PDGFRB: variants seen among roughly 807,000 people sequenced by gnomAD.
PDGFRB encodes the protein platelet-derived growth factor receptor beta.
In PDGFRB, 42 loss-of-function variants were observed where a neutral mutation model predicts 120.2. The ratio of observed to expected loss-of-function variants is 0.35; its 90% confidence interval spans 0.27 to 0.45. The LOEUF (loss-of-function observed/expected upper bound fraction) is 0.45. Ranked by LOEUF, PDGFRB falls within the 20% of genes least tolerant of loss-of-function variation. The probability of loss-of-function intolerance (pLI) is 1.00; values close to 1 mark genes in which losing one functional copy is unlikely to be tolerated. For missense variants in PDGFRB, 1,149 were observed against 1,476.3 expected (o/e 0.78, Z 3.63); for synonymous variants, 586 against 606.8 (o/e 0.97, Z 0.50).
rs1760128520 is a variant in PDGFRB at position 150,121,356 on chromosome 5, A to G, written c.2345-34T>C. On this transcript the variant is annotated intron_variant, in intron 16 of 22. Transcript: ENST00000261799. This position sits in a 1 kb window ranked among gnomAD's most constrained non-coding sequence, Gnocchi z 4.1. ...GAAGCAGAGGGTCACCTGCTATCTT[A>G]TATCTCCTTCTGGCCCACAGGACCC... 3 of 965,404 alleles carry G rather than the reference A, an allele frequency of 3.1e-6. No homozygotes were observed. Among genetic ancestry groups the G allele is most frequent in the Non-Finnish European group, 5.1e-6 (3 of 586,922 alleles). The allele number at this position is 965,404 out of a possible 1,614,324, so 59.8% of individuals were successfully genotyped here. A position where few individuals can be genotyped will look rare whatever the true frequency, so the allele number is the denominator to read the frequency against.
chr5:150,132,131 G>T lies in PDGFRB; in HGVS notation c.1128-37C>A. 9.1e-7 allele frequency: 1 copy of T among 1,101,420 alleles called. No homozygotes were observed. Among genetic ancestry groups the T allele is most frequent in the Non-Finnish European group, 1.4e-6 (1 of 715,646 alleles). 68.2% of individuals were successfully genotyped at this position (1,101,420 alleles called of 1,614,324 possible). ...GAAAGGCAGCTGTCAGAGTCGGAAG[G>T]ACTCTTACAGTTCTCCCCACCCTCC... On this transcript the variant is annotated intron_variant, in intron 7 of 22. Transcript: ENST00000261799. The surrounding 1 kb of genome is among the most constrained non-coding windows in gnomAD (Gnocchi z 5.0).
intron 12 of PDGFRB, among the ~76,000 whole-genome samples, chr5:150,125,119 C>T (rs1305825409): frequency 6.6e-6 from 1 of 152,050 alleles, no homozygotes; most frequent in African/African-American, 2.4e-5. Context: ...AAGTTTCTTC[C>T]CTCCCAAGGG....
chr5:150,114,576 T>A lies in PDGFRB; in HGVS notation c.*1187A>T. 1 of 233,338 alleles carries A rather than the reference T, an allele frequency of 4.3e-6. No individual in the cohort carries two copies. The highest frequency in any genetic ancestry group is 1.8e-4 in the South Asian group (1 of 5,504). The allele number at this position is 233,338 out of a possible 1,614,324, so 14.5% of individuals were successfully genotyped here. A position where few individuals can be genotyped will look rare whatever the true frequency, so the allele number is the denominator to read the frequency against. ...CCAGGACACCGGCTGTCACTCTAAG[T>A]CAAGGCCTGTGCAGCTGTGTTCTTG... On this transcript the variant is annotated 3_prime_UTR_variant, in exon 23 of 23. Coordinates refer to ENST00000261799, the MANE Select transcript of PDGFRB (RefSeq NM_002609.4).
intron 12 of PDGFRB, 21 bp from the exon 13 acceptor site, chr5:150,124,852 T>G (rs758993579): frequency 9.8e-6 from 13 of 1,331,486 alleles, no homozygotes; most frequent in African/African-American, 1.4e-5. Context: ...GATGATCCAT[T>G]AGCTCCTGGC....
chr5:150,124,844 T>C lies in PDGFRB; in HGVS notation c.1808-13A>G. On this transcript the variant is annotated splice_polypyrimidine_tract_variant and intron_variant, in intron 12 of 22. Coordinates refer to ENST00000261799, the MANE Select transcript of PDGFRB (RefSeq NM_002609.4). ...CCGAGGGTGCGTCCTGGTGCAGAGA[T>C]GATCCATTAGCTCCTGGCCTACCAG... 6.9e-7 allele frequency: 1 copy of C among 1,459,302 alleles called. No individual in the cohort carries two copies. The highest frequency in any genetic ancestry group is 2.3e-5 in the East Asian group (1 of 44,046). The allele number at this position is 1,459,302 out of a possible 1,614,324, so 90.4% of individuals were successfully genotyped here. A position where few individuals can be genotyped will look rare whatever the true frequency, so the allele number is the denominator to read the frequency against.
chr5:150,133,529 G>C, intron 6 of PDGFRB, 57 bp downstream of exon 6: 1 of 1,426,902 alleles, frequency 7.0e-7, no homozygotes, highest in Non-Finnish European at 9.9e-7. Flanking sequence ...CAGCAAAGTG[G>C]GTGAGGGTGG....
At position 150,147,726 on chromosome 5, in the gene PDGFRB, C is replaced by T. The variant is rs191650700; in HGVS notation, c.-7+7671G>A. ...CACTGTCTCAGCATCTGTCCTCCCA[C>T]CCCTGTCTTCGGTCATTCACTTAAC... On this transcript the variant is annotated intron_variant, in intron 1 of 22. Transcript: ENST00000261799. Among the ~76,000 whole-genome samples the T allele has an allele frequency of 3.2e-3, 495 of 152,344 alleles. 3 individuals carry two copies. Among genetic ancestry groups the T allele is most frequent in the South Asian group, 7.3e-3 (35 of 4,822 alleles).
chr5:150,146,221 G>A (rs1760917435), intron 1 of PDGFRB, among the ~76,000 whole-genome samples: 1 of 152,152 alleles, frequency 6.6e-6, no homozygotes, highest in Non-Finnish European at 1.5e-5. Flanking sequence ...TGTATTCTCT[G>A]CTTATTGGTC....
rs1364595043 is a variant in PDGFRB, at chr5:150,134,792, T to C, written c.589A>G (p.Arg197Gly). Reference protein sequence around the residue: ...SYICKTTIGDREVDSDAYYVY... With the variant: ...SYICKTTIGDGEVDSDAYYVY... ...TAGTAGGCATCAGAATCCACCTCCC[T>C]GTCCCCAATGGTGGTTTTGCAGATG... Residue 197 changes from arginine to glycine, a missense_variant, in exon 4 of 23, where the codon AGG (arginine) becomes GGG (glycine). Physicochemically the swap from Arg to Gly is moderately radical, Grantham distance 125. Coordinates refer to ENST00000261799, the MANE Select transcript of PDGFRB (RefSeq NM_002609.4). 6.2e-7 allele frequency: 1 copy of C among 1,614,144 alleles called. No individual in the cohort carries two copies. Among genetic ancestry groups the C allele is most frequent in the Non-Finnish European group, 8.5e-7 (1 of 1,179,978 alleles).
chr5:150,127,266 C>A (rs949233223), intron 10 of PDGFRB, among the ~76,000 whole-genome samples: 1 of 152,208 alleles, frequency 6.6e-6, no homozygotes. Flanking sequence ...AAGGCCTCAG[C>A]CTCTTCGCTG....
chr5:150,117,037 A>G (rs1580791251), intron 22 of PDGFRB, among the ~76,000 whole-genome samples: 1 of 152,210 alleles, frequency 6.6e-6, no homozygotes, highest in Non-Finnish European at 1.5e-5. Flanking sequence ...CTGCGTGGAC[A>G]TCAAGTCCAC....
Position 150,114,221 on chromosome 5 carries a change from G to A in PDGFRB, c.*1542C>T, listed in dbSNP as rs557185293. The A allele has an allele frequency of 8.7e-4, 203 of 233,240 alleles. No homozygotes were observed. The highest frequency in any genetic ancestry group is 1.5e-3 in the Non-Finnish European group (173 of 117,980). 14.4% of individuals were successfully genotyped at this position (233,240 alleles called of 1,614,324 possible). On this transcript the variant is annotated 3_prime_UTR_variant, in exon 23 of 23. Coordinates refer to ENST00000261799, the MANE Select transcript of PDGFRB (RefSeq NM_002609.4). ...ACAATGAGATGTCACTGCTAGGTCTGGGCAGTGACAAAACCATACCCCCAT... is the reference window on the plus strand; with the variant it reads ...ACAATGAGATGTCACTGCTAGGTCTAGGCAGTGACAAAACCATACCCCCAT...
At chr5:150,128,205 A>C (rs1342599993) in intron 10 of PDGFRB, among the ~76,000 whole-genome samples, 1 of 152,212 alleles carries the variant, frequency 6.6e-6, no homozygotes, top group Non-Finnish European at 1.5e-5. Flanking sequence ...CTTTAGTCAC[A>C]CAAAAGTGTC....
chr5:150,124,702 G>A (rs752138706), intron 13 of PDGFRB, 25 bp downstream of exon 13: 11 of 1,148,122 alleles, frequency 9.6e-6, no homozygotes, highest in Admixed American at 1.8e-5. Flanking sequence ...AGGCCCAGAT[G>A]TGGAGGGCTC....
In PDGFRB at chr5:150,132,150, A is replaced by C; in HGVS notation, c.1128-56T>G. ...CGGAAGGACTCTTACAGTTCTCCCC[A>C]CCCTCCTGGTATAAAGAGGAACAAG... On this transcript the variant is annotated intron_variant, in intron 7 of 22. Coordinates refer to ENST00000261799, the MANE Select transcript of PDGFRB (RefSeq NM_002609.4). This position sits in a 1 kb window ranked among gnomAD's most constrained non-coding sequence, Gnocchi z 5.0. 1 of 920,216 alleles carries C rather than the reference A, an allele frequency of 1.1e-6. No individual in the cohort carries two copies. The highest frequency in any genetic ancestry group is 1.8e-6 in the Non-Finnish European group (1 of 560,080). The allele number at this position is 920,216 out of a possible 1,614,324, so 57.0% of individuals were successfully genotyped here. A position where few individuals can be genotyped will look rare whatever the true frequency, so the allele number is the denominator to read the frequency against.
chr5:150,123,062 G>T lies in PDGFRB; in HGVS notation c.2163C>A (p.Pro721=). The change falls in exon 15 of 23, where the codon CCC becomes CCA. Residue 721 remains proline (P), a synonymous_variant. Transcript: ENST00000261799. ...PSAELYSNAL[P]VGLPLPSHVS... Reference sequence around the variant, plus strand: ...GGTACCTGGGCAGGGGGAGCCCAACGGGCAGAGCATTGCTGTAGAGCTCCG... The same window carrying T: ...GGTACCTGGGCAGGGGGAGCCCAACTGGCAGAGCATTGCTGTAGAGCTCCG... 1 of 1,613,354 alleles carries T rather than the reference G, an allele frequency of 6.2e-7. No individual in the cohort carries two copies.
At chr5:150,122,972 C>A (rs1760185055) in intron 15 of PDGFRB, 70 bp downstream of exon 15, 3 of 1,386,440 alleles carry the variant, frequency 2.2e-6, no homozygotes, top group East Asian at 2.3e-5. Flanking sequence ...CCCTCCTGGA[C>A]AAAAGGAGGG....
intron 5 of PDGFRB, 42 bp downstream of exon 5, chr5:150,133,839 G>A (rs370113497): frequency 1.5e-4 from 244 of 1,612,822 alleles, no homozygotes; most frequent in Admixed American, 2.0e-4. Context: ...ATATCCACCC[G>A]TTCCTGGCCC....
Position 150,155,555 on chromosome 5 carries a change from CT to C in PDGFRB, c.-166del, listed in dbSNP as rs1317005450. The C allele has an allele frequency of 1.3e-5, 5 of 398,784 alleles. No individual in the cohort carries two copies. In the East Asian group the frequency reaches 1.8e-4, roughly 14 times the overall value. The allele number at this position is 398,784 out of a possible 1,614,324, so 24.7% of individuals were successfully genotyped here. A position where few individuals can be genotyped will look rare whatever the true frequency, so the allele number is the denominator to read the frequency against. The stretch of plus-strand genomic sequence containing the variant: ...GAAGGACAGGCAGGACTGGTGCAGG[CT>C]CCTGAAGGCTCAGGAGAACAGAGGG... On this transcript the variant is annotated 5_prime_UTR_variant, in exon 1 of 23. Coordinates refer to ENST00000261799, the MANE Select transcript of PDGFRB (RefSeq NM_002609.4).
Sources: allele counts gnomAD v4.1 joint callset (sites outside exome capture counted in the v4.1 genomes callset), GRCh38; gene constraint gnomAD v4.1.1; non-coding constraint Gnocchi (gnomAD v3.1); transcripts MANE v1.5; gene names NCBI Gene and HGNC (gene_info 2026-07-23, HGNC 2026-07-21).